Variants in UBR1 observed in about 807,000 individuals in gnomAD.
The protein encoded by UBR1 is ubiquitin protein ligase E3 component n-recognin 1.
In UBR1, 102 loss-of-function variants were observed where a neutral mutation model predicts 242.1. That is an observed-to-expected ratio of 0.42 (90% CI 0.36 to 0.50). The LOEUF (loss-of-function observed/expected upper bound fraction) is 0.50, where lower values mean the gene tolerates loss of function less well. Among genes scored for constraint, UBR1 ranks in the 20% least tolerant of loss-of-function variants. The probability of loss-of-function intolerance (pLI) is 0.01; values close to 1 mark genes in which losing one functional copy is unlikely to be tolerated. For missense variants in UBR1, 1,772 were observed against 2,101.8 expected, an observed-to-expected ratio of 0.84 and a Z score of 3.07; for synonymous variants, 675 against 684.8, an observed-to-expected ratio of 0.99 and a Z score of 0.22.
intron 14 of UBR1, among the ~76,000 whole-genome samples, chr15:43,046,545 G>A (rs2033489083): frequency 6.6e-6 from 1 of 152,068 alleles, no homozygotes; most frequent in African/African-American, 2.4e-5. Flanking sequence ...CTTAGAAAGA[G>A]ACAAAAAGGA....
chr15:42,988,700 T>C, intron 35 of UBR1, 119 bp downstream of exon 35: 1 of 1,353,536 alleles, frequency 7.4e-7, no homozygotes, highest in Non-Finnish European at 1.1e-6. Flanking sequence ...ACTGAAATAC[T>C]AATAGTCCTC....
intron 1 of UBR1, among the ~76,000 whole-genome samples, chr15:43,101,859 T>C (rs1019318432): frequency 6.6e-6 from 1 of 150,600 alleles, no homozygotes; most frequent in Non-Finnish European, 1.5e-5. Context: ...TCCCAGCTAC[T>C]TGGAAGGTTG....
intron 33 of UBR1, among the ~76,000 whole-genome samples, chr15:42,991,457 T>G (rs1038216156): frequency 6.6e-6 from 1 of 152,154 alleles, no homozygotes; most frequent in African/African-American, 2.4e-5. Context: ...GTGGTTTTCT[T>G]ATCTGCTTGA....
chr15:43,077,639 G>C (rs1160685562), intron 3 of UBR1, among the ~76,000 whole-genome samples: 1 of 88,322 alleles, frequency 1.1e-5, no homozygotes, highest in Non-Finnish European at 2.3e-5. Context: ...ACCCAAGAAT[G>C]ATCAATTAAA....
intron 22 of UBR1, 101 bp downstream of exon 22, chr15:43,027,675 G>T: frequency 1.9e-6 from 2 of 1,036,134 alleles, no homozygotes; most frequent in Non-Finnish European, 3.0e-6. Context: ...TCTTATTCTT[G>T]GGAGTTCAGG....
chr15:42,979,218 T>A (rs1196967806), intron 37 of UBR1, among the ~76,000 whole-genome samples: 1 of 150,714 alleles, frequency 6.6e-6, no homozygotes, highest in East Asian at 1.9e-4. Flanking sequence ...TCTTTTTTTT[T>A]TTTTTAGTAG....
intron 33 of UBR1, 97 bp downstream of exon 33, chr15:42,998,071 G>A (rs2032667077): frequency 1.9e-6 from 2 of 1,079,662 alleles, no homozygotes; most frequent in Non-Finnish European, 2.7e-6. Flanking sequence ...CAAGAAATCT[G>A]TACTTGCAAA....
chr15:43,103,568 T>C (rs1239290551), intron 1 of UBR1, among the ~76,000 whole-genome samples: 1 of 152,208 alleles, frequency 6.6e-6, no homozygotes, highest in Non-Finnish European at 1.5e-5. Context: ...AGCAATGGCT[T>C]TTATCAATGT....
At position 43,060,037 on chromosome 15, in the gene UBR1, A is replaced by G. The variant is rs1384216407; in HGVS notation, c.861+15T>C. 1 of 1,613,528 alleles carries G rather than the reference A, an allele frequency of 6.2e-7. No homozygotes were observed. The highest frequency in any genetic ancestry group is 2.2e-5 in the East Asian group (1 of 44,866). ...ATCTTTAACTTCTCTTTTTCCCCCT[A>G]ATTCAGAAAGTTACCTTTATATCTT... On this transcript the variant is annotated intron_variant, in intron 7 of 46. Coordinates refer to ENST00000290650, the MANE Select transcript of UBR1 (RefSeq NM_174916.3).
intron 2 of UBR1, among the ~76,000 whole-genome samples, chr15:43,083,824 C>T (rs1372379896): frequency 2.0e-5 from 3 of 151,898 alleles, no homozygotes; most frequent in Non-Finnish European, 4.4e-5. Flanking sequence ...GGGCGGATCA[C>T]CTGAGGTCGG....
chr15:43,055,039 C>T, intron 11 of UBR1, 140 bp from the exon 12 acceptor site: 4 of 1,029,614 alleles, frequency 3.9e-6, no homozygotes, highest in Non-Finnish European at 5.7e-6. Flanking sequence ...CTTAGTTTCA[C>T]TGAATAGCAA....
chr15:43,064,577 CTTTTTTTTT>C (rs35224418), intron 6 of UBR1, among the ~76,000 whole-genome samples: 1 of 138,852 alleles, frequency 7.2e-6, no homozygotes, highest in Non-Finnish European at 1.6e-5. Context: ...TATCTTACAT[CTTTTTTTTT>C]TTTTTTTTGA....
At chr15:43,074,490 A>G (rs2033862024) in intron 4 of UBR1, among the ~76,000 whole-genome samples, 1 of 152,098 alleles carries the variant, frequency 6.6e-6, no homozygotes, top group Non-Finnish European at 1.5e-5. Context: ...GTGCAGTGGC[A>G]TGATCTTGGC....
chr15:43,013,828 A>C (rs970878307), intron 29 of UBR1, among the ~76,000 whole-genome samples: 2 of 152,234 alleles, frequency 1.3e-5, no homozygotes, highest in African/African-American at 4.8e-5. Context: ...TGACTATTTA[A>C]CTTTTCCTCC....
intron 21 of UBR1, among the ~76,000 whole-genome samples, chr15:43,028,543 G>A (rs1026530359): frequency 5.3e-5 from 8 of 150,656 alleles, no homozygotes; most frequent in Middle Eastern, 3.6e-3. Context: ...TCAGGAGTTC[G>A]AGACCAGCCT....
chr15:42,976,758 G>A lies in UBR1; in HGVS notation c.4328C>T (p.Thr1443Ile). Reference protein sequence around the residue: ...YNHLYLFHLITMAHMLQILLT... With the variant: ...YNHLYLFHLIIMAHMLQILLT... ...TAGTATCTGAAGCATGTGTGCCATG[G>A]TGATCAAATGGAAGAGATAAAGGTG... is the stretch of plus-strand genomic sequence containing the variant. The change falls in exon 39 of 47, where the codon ACC becomes ATC. Residue 1443 changes from threonine to isoleucine, a missense_variant. Thr to Ile is a moderately conservative substitution (Grantham distance 89). Coordinates refer to ENST00000290650, the MANE Select transcript of UBR1 (RefSeq NM_174916.3). 6.2e-7 allele frequency: 1 copy of A among 1,614,072 alleles called. No individual in the cohort carries two copies. The highest frequency in any genetic ancestry group is 8.5e-7 in the Non-Finnish European group (1 of 1,180,010).
intron 20 of UBR1, 34 bp from the exon 21 acceptor site, chr15:43,030,102 G>A: frequency 4.4e-6 from 7 of 1,599,530 alleles, no homozygotes; most frequent in Non-Finnish European, 5.1e-6. Flanking sequence ...AAAAAAAGTA[G>A]AATAATTATT....
chr15:42,966,353 T>C, intron 40 of UBR1, 67 bp from the exon 41 acceptor site: 2 of 1,582,464 alleles, frequency 1.3e-6, no homozygotes, highest in Non-Finnish European at 1.7e-6. Context: ...TTTAAACATA[T>C]CCCCCTTTTC....
At chr15:43,090,986 C>G (rs1366620677) in intron 1 of UBR1, among the ~76,000 whole-genome samples, 2 of 152,134 alleles carry the variant, frequency 1.3e-5, no homozygotes, top group Non-Finnish European at 2.9e-5. Flanking sequence ...CTTGCCCAGG[C>G]TGGAGTGCAA....
Sources: allele counts gnomAD v4.1 joint callset (sites outside exome capture counted in the v4.1 genomes callset), GRCh38; gene constraint gnomAD v4.1.1; transcripts MANE v1.5; gene names NCBI Gene and HGNC (gene_info 2026-07-23, HGNC 2026-07-21).